Variants in SPMAP2L observed in about 807,000 individuals in gnomAD.
SPMAP2L encodes the protein sperm microtubule associated protein 2-like.
the SPMAP2L span, among the ~76,000 whole-genome samples, chr4:56,540,400 G>A: frequency 0.21 from 31,783 of 151,940 alleles, 3,522 homozygotes; most frequent in Admixed American, 0.3. Flanking sequence ...AAAATTAGCC[G>A]GGAGTGGTGG....
the SPMAP2L span, among the ~76,000 whole-genome samples, chr4:56,551,527 A>G: frequency 2.0e-5 from 3 of 151,932 alleles, no homozygotes; most frequent in Non-Finnish European, 2.9e-5. Flanking sequence ...GATTCAAACT[A>G]CTCATTTCGA....
the SPMAP2L span, among the ~76,000 whole-genome samples, chr4:56,562,016 G>A: frequency 1.3e-5 from 2 of 152,110 alleles, no homozygotes; most frequent in African/African-American, 4.8e-5. Flanking sequence ...GAGCCACCGC[G>A]CCTGGCCTGG....
the SPMAP2L span, among the ~76,000 whole-genome samples, chr4:56,607,399 C>T: frequency 6.6e-6 from 1 of 152,142 alleles, no homozygotes; most frequent in African/African-American, 2.4e-5. Flanking sequence ...AATTTCTGTT[C>T]TTTATAAATT....
At chr4:56,595,635 T>C in the SPMAP2L span, 3 of 1,250,790 alleles carry the variant, frequency 2.4e-6, no homozygotes, top group East Asian at 4.6e-5. Flanking sequence ...TGATGACATA[T>C]ATGGAGATCA....
chr4:56,596,491 C>G, the SPMAP2L span: 1 of 1,504,372 alleles, frequency 6.6e-7, no homozygotes, highest in South Asian at 1.3e-5. Context: ...TTTTATTTTT[C>G]TCCCCTAGAT....
At chr4:56,564,415 C>T in the SPMAP2L span, among the ~76,000 whole-genome samples, 1 of 152,212 alleles carries the variant, frequency 6.6e-6, no homozygotes, top group East Asian at 1.9e-4. Context: ...GCTGGGATTA[C>T]AAGCGTGAGC....
chr4:56,557,178 G>T, the SPMAP2L span, among the ~76,000 whole-genome samples: 7 of 151,742 alleles, frequency 4.6e-5, no homozygotes, highest in Non-Finnish European at 8.8e-5. Context: ...AAGCCTGGGA[G>T]GCTGAGGTTG....
chr4:56,597,578 G>A, the SPMAP2L span, among the ~76,000 whole-genome samples: 7 of 152,292 alleles, frequency 4.6e-5, no homozygotes, highest in South Asian at 8.3e-4. Context: ...ACTCTTGGAC[G>A]AGTGTCTTAA....
chr4:56,565,122 G>C, the SPMAP2L span, among the ~76,000 whole-genome samples: 1 of 152,150 alleles, frequency 6.6e-6, no homozygotes, highest in Non-Finnish European at 1.5e-5. Flanking sequence ...CACTTGCAAA[G>C]GATGTGTATT....
the SPMAP2L span, among the ~76,000 whole-genome samples, chr4:56,566,662 G>C: frequency 7.0e-6 from 1 of 143,330 alleles, no homozygotes; most frequent in Non-Finnish European, 1.5e-5. Flanking sequence ...ACTACTTAAT[G>C]TATGATGTAA....
chr4:56,615,350 G>A, the SPMAP2L span, among the ~76,000 whole-genome samples: 2 of 152,184 alleles, frequency 1.3e-5, no homozygotes, highest in South Asian at 4.1e-4. Flanking sequence ...AAGTACCTGC[G>A]ATCAGTCATC....
chr4:56,546,295 G>T, the SPMAP2L span, among the ~76,000 whole-genome samples: 7 of 152,270 alleles, frequency 4.6e-5, no homozygotes, highest in East Asian at 9.7e-4. Flanking sequence ...AAATAAACTT[G>T]CCTTAGATCA....
the SPMAP2L span, among the ~76,000 whole-genome samples, chr4:56,533,711 G>A: frequency 6.6e-6 from 1 of 151,744 alleles, no homozygotes; most frequent in Admixed American, 6.6e-5. Context: ...ACTTTGAGAG[G>A]CCGAGGTGGA....
At chr4:56,550,198 G>A in the SPMAP2L span, among the ~76,000 whole-genome samples, 5 of 151,866 alleles carry the variant, frequency 3.3e-5, no homozygotes, top group African/African-American at 4.8e-5. Flanking sequence ...ACGTTGCCCA[G>A]GCTGGTCCCA....
chr4:56,600,899 G>C, the SPMAP2L span: 11 of 1,513,706 alleles, frequency 7.3e-6, no homozygotes, highest in Non-Finnish European at 9.7e-6. Flanking sequence ...GTAAAATTTG[G>C]GATATATTTT....
the SPMAP2L span, among the ~76,000 whole-genome samples, chr4:56,608,745 A>G: frequency 6.6e-6 from 1 of 152,164 alleles, no homozygotes; most frequent in Non-Finnish European, 1.5e-5. Flanking sequence ...CCAGGTTGGT[A>G]GAGCCACCAA....
the SPMAP2L span, among the ~76,000 whole-genome samples, chr4:56,540,460 T>C: frequency 6.6e-6 from 1 of 152,098 alleles, no homozygotes; most frequent in Non-Finnish European, 1.5e-5. Context: ...GGAGAATCGC[T>C]TGAACCCGGT....
At chr4:56,595,450 G>A in the SPMAP2L span, 1 of 1,605,674 alleles carries the variant, frequency 6.2e-7, no homozygotes. Context: ...GGAAGTTGCT[G>A]ACATTGAGGA....
At chr4:56,553,252 G>A in the SPMAP2L span, among the ~76,000 whole-genome samples, 1 of 128,820 alleles carries the variant, frequency 7.8e-6, no homozygotes, top group Admixed American at 9.4e-5. Flanking sequence ...GTGCTGTGGT[G>A]CAATCATGGC....
Sources: allele counts gnomAD v4.1 joint callset (sites outside exome capture counted in the v4.1 genomes callset), GRCh38; gene constraint gnomAD v4.1.1; transcripts MANE v1.5; gene names NCBI Gene and HGNC (gene_info 2026-07-23, HGNC 2026-07-21).